Variants in ARFGEF3 observed in about 807,000 individuals in gnomAD.
ARFGEF3 encodes the protein brefeldin A-inhibited guanine nucleotide-exchange protein 3.
Under a neutral mutation model 221.7 loss-of-function variants are expected in ARFGEF3, and 96 were observed. The observed-to-expected ratio is 0.43, with a 90% CI of 0.37 to 0.51. ARFGEF3 has a LOEUF of 0.51. Ranked by LOEUF, ARFGEF3 falls within the 20% of genes least tolerant of loss-of-function variation. The pLI is 0.00. For synonymous variants in ARFGEF3, 1,145 were observed against 1,126.8 expected, an observed-to-expected ratio of 1.02 and a Z score of -0.32; for missense variants, 2,410 against 2,789.9, an observed-to-expected ratio of 0.86 and a Z score of 3.07.
At chr6:138,277,316 G>A (rs1779116655) in intron 12 of ARFGEF3, among the ~76,000 whole-genome samples, 1 of 152,138 alleles carries the variant, frequency 6.6e-6, no homozygotes, top group African/African-American at 2.4e-5. Context: ...CCTTTTCATG[G>A]CTGAGTAATA....
intron 24 of ARFGEF3, among the ~76,000 whole-genome samples, chr6:138,311,110 AAG>A (rs1029495769): frequency 6.6e-6 from 1 of 152,214 alleles, no homozygotes; most frequent in African/African-American, 2.4e-5. Context: ...ACTGTGGTAG[AAG>A]AGAGAGGAAA....
chr6:138,287,900 A>G (rs117905472), intron 17 of ARFGEF3, among the ~76,000 whole-genome samples: 3,383 of 152,330 alleles, frequency 0.022, 49 homozygotes, highest in Non-Finnish European at 0.036. Flanking sequence ...TCAGACTTGA[A>G]TAAAATTTAG....
At position 138,253,992 on chromosome 6, in the gene ARFGEF3, C is replaced by T; in HGVS notation, c.770+8C>T. ...CTTCACGGACCTGATCTGGTGAGCA[C>T]CCACTCCTGACGCCCCGACGCTGAT... is the stretch of plus-strand genomic sequence containing the variant. On this transcript the variant is annotated splice_region_variant and intron_variant, in intron 9 of 33. Transcript: ENST00000251691. 2.6e-6 allele frequency: 4 copies of T among 1,551,198 alleles called. No homozygotes were observed. The highest frequency in any genetic ancestry group is 3.5e-6 in the Non-Finnish European group (4 of 1,151,546).
chr6:138,178,843 C>T (rs1301567672), intron 2 of ARFGEF3, among the ~76,000 whole-genome samples: 1 of 152,150 alleles, frequency 6.6e-6, no homozygotes, highest in Non-Finnish European at 1.5e-5. Context: ...GAAGGTCGGT[C>T]TAAAGAGTAT....
chr6:138,239,915 A>G (rs905175899), intron 6 of ARFGEF3, among the ~76,000 whole-genome samples: 1 of 152,196 alleles, frequency 6.6e-6, no homozygotes, highest in Non-Finnish European at 1.5e-5. Context: ...GAGCTTATCA[A>G]TGAAGGAGCC....
At chr6:138,249,357 TCTCA>T (rs1778540145) in intron 8 of ARFGEF3, among the ~76,000 whole-genome samples, 1 of 152,228 alleles carries the variant, frequency 6.6e-6, no homozygotes, top group South Asian at 2.1e-4. Context: ...TTTGAGACAG[TCTCA>T]CTCTGTCGCC....
intron 14 of ARFGEF3, among the ~76,000 whole-genome samples, chr6:138,284,617 CA>C (rs1779254751): frequency 6.6e-6 from 1 of 152,096 alleles, no homozygotes; most frequent in Admixed American, 6.6e-5. Flanking sequence ...TTTGTTTCAA[CA>C]AAAACTTAAA....
chr6:138,265,338 T>G (rs1778874477), intron 12 of ARFGEF3, among the ~76,000 whole-genome samples: 1 of 152,236 alleles, frequency 6.6e-6, no homozygotes, highest in African/African-American at 2.4e-5. Context: ...TCCTAATTCT[T>G]ATTTCCTAAG....
Position 138,262,922 on chromosome 6 carries a change from G to A in ARFGEF3, c.1439G>A (p.Arg480His), listed in dbSNP as rs773240161. The A allele has an allele frequency of 5.6e-6, 9 of 1,607,578 alleles. No individual in the cohort carries two copies. Among genetic ancestry groups the A allele is most frequent in the East Asian group, 2.2e-5 (1 of 44,604 alleles). Residue 480 changes from arginine (R) to histidine (H), a missense_variant, in exon 12 of 34, where the codon CGC becomes CAC. By Grantham distance (29) the Arg-to-His change is conservative (BLOSUM62 0). Around this residue, in one of 5 missense-constraint regions of ARFGEF3, gnomAD observed 594 missense variants for 734.3 expected, o/e 0.81. Transcript: ENST00000251691. ...DSMEINEADF[R>H]WQRRVLSSEH... ...ATGGAGATCAATGAGGCTGACTTCC[G>A]CTGGCAGCGGCGAGTGCTGTCCTCA...
chr6:138,238,719 G>C, intron 6 of ARFGEF3, 88 bp downstream of exon 6: 1 of 1,315,522 alleles, frequency 7.6e-7, no homozygotes, highest in Admixed American at 1.9e-5. Context: ...AGGGCTGCCT[G>C]CCTCCTGAAA....
chr6:138,244,940 G>A (rs1409497013), intron 7 of ARFGEF3, among the ~76,000 whole-genome samples: 3 of 152,158 alleles, frequency 2.0e-5, no homozygotes, highest in African/African-American at 7.2e-5. Context: ...TTAAGTGTGA[G>A]TGATTTTTAT....
intron 2 of ARFGEF3, among the ~76,000 whole-genome samples, chr6:138,170,924 C>A (rs1776816895): frequency 6.6e-6 from 1 of 152,110 alleles, no homozygotes; most frequent in Non-Finnish European, 1.5e-5. Flanking sequence ...CTAGCAAGGG[C>A]CTTCTTGCTG....
In ARFGEF3 at chr6:138,320,231, T is replaced by TG. The variant is rs563712548; in HGVS notation, c.4651+359dup. Reference sequence around the variant, plus strand: ...GAAGCAGCAATATCCCCGTAGCCTGTGGGGGGGTAGCGGGTATAGCCTGTC... The same window carrying TG: ...GAAGCAGCAATATCCCCGTAGCCTGTGGGGGGGGTAGCGGGTATAGCCTGTC... On this transcript the variant is annotated intron_variant, in intron 28 of 33. Transcript: ENST00000251691. 8.4e-4 allele frequency among the ~76,000 whole-genome samples: 127 copies of TG among 152,028 alleles called. No individual in the cohort carries two copies. The Middle Eastern group carries it at 0.014, about 16-fold the overall frequency.
At chr6:138,243,033 A>C (rs970160249) in intron 7 of ARFGEF3, 39 bp downstream of exon 7, 4 of 1,544,548 alleles carry the variant, frequency 2.6e-6, no homozygotes, top group Non-Finnish European at 3.6e-6. Context: ...TTTTTAAAGC[A>C]GGTGTGAGAA....
intron 8 of ARFGEF3, among the ~76,000 whole-genome samples, chr6:138,246,948 T>C (rs1309455905): frequency 6.6e-6 from 1 of 152,222 alleles, no homozygotes; most frequent in Admixed American, 6.5e-5. Context: ...TTTTACTATA[T>C]ATATAAATCC....
chr6:138,303,860 CAAAAAAA>C lies in ARFGEF3; in HGVS notation c.3829-3371_3829-3365del, dbSNP rs140349507. Among the ~76,000 whole-genome samples, 22 of 20,616 alleles carry C rather than the reference CAAAAAAA, an allele frequency of 1.1e-3. No homozygotes were observed. The East Asian group carries it at 0.027, about 25-fold the overall frequency. The allele number at this position is 20,616 out of a possible 152,430, so 13.5% of individuals were successfully genotyped here. On this transcript the variant is annotated intron_variant, in intron 22 of 33. Coordinates refer to ENST00000251691, the MANE Select transcript of ARFGEF3 (RefSeq NM_020340.5). ...CTGGAGACAGAGTGAGACTCCGTCT[CAAAAAAA>C]AAAAAAAAAAAAAAAAAAAAAGATA...
intron 5 of ARFGEF3, among the ~76,000 whole-genome samples, chr6:138,231,107 T>C (rs1778183090): frequency 6.6e-6 from 1 of 152,104 alleles, no homozygotes; most frequent in African/African-American, 2.4e-5. Context: ...ATTGAGGCTG[T>C]TAGTATCAAC....
At chr6:138,265,183 A>G (rs203148) in intron 12 of ARFGEF3, among the ~76,000 whole-genome samples, 68,019 of 152,006 alleles carry the variant, frequency 0.45, 16,161 homozygotes, top group African/African-American at 0.62. Flanking sequence ...GATTACAGGC[A>G]TGAGCCACTG....
intron 14 of ARFGEF3, among the ~76,000 whole-genome samples, chr6:138,281,202 A>C (rs1779190128): frequency 3.3e-5 from 5 of 152,170 alleles, no homozygotes; most frequent in Admixed American, 2.6e-4. Flanking sequence ...GGCTGGGCAG[A>C]TGTCCTCACA....
Sources: allele counts gnomAD v4.1 joint callset (sites outside exome capture counted in the v4.1 genomes callset), GRCh38; gene constraint gnomAD v4.1.1; regional missense constraint gnomAD v4.1.1; transcripts MANE v1.5; gene names NCBI Gene and HGNC (gene_info 2026-07-23, HGNC 2026-07-21).